Variants in GRIK2 observed in about 807,000 individuals in gnomAD.
GRIK2 encodes glutamate receptor ionotropic, kainate 2.
Under a neutral mutation model 100.3 loss-of-function variants are expected in GRIK2, and 32 were observed. The ratio of observed to expected loss-of-function variants is 0.32; its 90% CI spans 0.24 to 0.43. The LOEUF is 0.43. Among genes scored for constraint, GRIK2 ranks in the 20% least tolerant of loss-of-function variants. The probability of loss-of-function intolerance (pLI) is 1.00; values close to 1 mark genes in which losing one functional copy is unlikely to be tolerated. For synonymous variants in GRIK2, 417 were observed against 389.4 expected, an observed-to-expected ratio of 1.07 and a Z score of -0.83; for missense variants, 843 against 1,114.9, an observed-to-expected ratio of 0.76 and a Z score of 3.47.
At chr6:101,637,776 TA>T (rs1289088884) in intron 4 of GRIK2, among the ~76,000 whole-genome samples, 1 of 152,052 alleles carries the variant, frequency 6.6e-6, no homozygotes, top group Non-Finnish European at 1.5e-5. Flanking sequence ...AAATTTCTGG[TA>T]TTCCTTCTCT....
rs772331961 is a variant in GRIK2, at chr6:101,676,595, C to T, written c.542-28C>T. 75 of 1,054,084 alleles carry T rather than the reference C, an allele frequency of 7.1e-5. No individual in the cohort carries two copies. The South Asian group carries it at 1.2e-3, about 17-fold the overall frequency. The allele number at this position is 1,054,084 out of a possible 1,614,324, so 65.3% of individuals were successfully genotyped here. ...TACTCTATTTTTTATCTCTAATATT[C>T]TTTTTTTTTTTTCCATTTTAATTAA... is the stretch of plus-strand genomic sequence containing the variant. On this transcript the variant is annotated intron_variant, in intron 4 of 16. Transcript: ENST00000369134.
intron 12 of GRIK2, among the ~76,000 whole-genome samples, chr6:101,918,353 G>A (rs1262519261): frequency 6.6e-6 from 1 of 151,516 alleles, no homozygotes; most frequent in Non-Finnish European, 1.5e-5. Context: ...AATCATTTTT[G>A]TACTCTTCAT....
rs371257059 is a variant in GRIK2, at chr6:102,027,895, AAAG to A, written c.2086-7441_2086-7439del. Among the ~76,000 whole-genome samples, 77 of 151,236 alleles carry A rather than the reference AAAG, an allele frequency of 5.1e-4. 1 individual carries two copies. In the East Asian group the frequency reaches 0.014, roughly 27 times the overall value. ...CAAATATGTTGCTCCCAGTAAAAGA[AAAG>A]AAGATCTATGCAAGTGGTTCAAGAG... On this transcript the variant is annotated intron_variant, in intron 14 of 16. Coordinates refer to ENST00000369134, the MANE Select transcript of GRIK2 (RefSeq NM_021956.5).
intron 4 of GRIK2, among the ~76,000 whole-genome samples, chr6:101,631,079 C>T (rs544147903): frequency 7.2e-4 from 109 of 152,062 alleles, no homozygotes; most frequent in Admixed American, 4.1e-3. Flanking sequence ...TTATTTTTTA[C>T]GATAATTAGC....
intron 11 of GRIK2, among the ~76,000 whole-genome samples, chr6:101,877,006 C>T (rs755889980): frequency 3.3e-5 from 5 of 151,784 alleles, no homozygotes; most frequent in Non-Finnish European, 5.9e-5. Flanking sequence ...AATATGCATA[C>T]AAATAATAAT....
chr6:101,881,469 A>G (rs1786237614), intron 11 of GRIK2, among the ~76,000 whole-genome samples: 1 of 151,914 alleles, frequency 6.6e-6, no homozygotes, highest in Non-Finnish European at 1.5e-5. Flanking sequence ...AGTAATATCT[A>G]TTATAATAAT....
intron 2 of GRIK2, among the ~76,000 whole-genome samples, chr6:101,508,041 G>A (rs2852539): frequency 0.61 from 92,715 of 151,812 alleles, 29,490 homozygotes; most frequent in African/African-American, 0.79. Flanking sequence ...TAGACAATTA[G>A]ATGGTTGTTA....
rs1778929921 is a variant in GRIK2 at position 101,779,231 on chromosome 6, A to T, written c.952-20417A>T. Among the ~76,000 whole-genome samples, 5 of 152,116 alleles carry T rather than the reference A, an allele frequency of 3.3e-5. No individual in the cohort carries two copies. The South Asian group carries it at 1.0e-3, about 32-fold the overall frequency. On this transcript the variant is annotated intron_variant, in intron 7 of 16. Coordinates refer to ENST00000369134, the MANE Select transcript of GRIK2 (RefSeq NM_021956.5). ...TTGATGGATGGAATAGTACTGAGTG[A>T]CTAAGCCTATTTCTGTGGCAATGGC...
intron 7 of GRIK2, among the ~76,000 whole-genome samples, chr6:101,761,147 T>A (rs1777634818): frequency 6.6e-6 from 1 of 152,102 alleles, no homozygotes; most frequent in South Asian, 2.1e-4. Context: ...GACTGCTGGA[T>A]CACACATTAG....
intron 11 of GRIK2, among the ~76,000 whole-genome samples, chr6:101,881,642 A>G (rs1786252045): frequency 6.6e-6 from 1 of 151,766 alleles, no homozygotes; most frequent in Non-Finnish European, 1.5e-5. Flanking sequence ...TTAAATATAA[A>G]TTCCAGCTAG....
chr6:101,843,607 G>C (rs1024823107), intron 10 of GRIK2, among the ~76,000 whole-genome samples: 1 of 152,136 alleles, frequency 6.6e-6, no homozygotes. Flanking sequence ...AGAGTCCTTT[G>C]AAACGTTGGG....
At chr6:101,988,126 TGTGTGTG>T (rs1794136258) in intron 14 of GRIK2, among the ~76,000 whole-genome samples, 1 of 17,220 alleles carries the variant, frequency 5.8e-5, no homozygotes, top group Non-Finnish European at 1.3e-4. Context: ...TGTGTGTGTG[TGTGTGTG>T]CGCGCGCGCG....
chr6:101,645,760 C>T (rs879282330), intron 4 of GRIK2, among the ~76,000 whole-genome samples: 2 of 151,774 alleles, frequency 1.3e-5, no homozygotes, highest in Non-Finnish European at 1.5e-5. Context: ...AAAGCTTGAA[C>T]TTTATTGCTC....
intron 2 of GRIK2, among the ~76,000 whole-genome samples, chr6:101,580,363 T>C (rs1334107903): frequency 6.6e-6 from 1 of 152,260 alleles, no homozygotes; most frequent in East Asian, 1.9e-4. Context: ...CATTTTTAAA[T>C]TGTCTCTTTC....
At chr6:101,524,908 T>C (rs1394998057) in intron 2 of GRIK2, among the ~76,000 whole-genome samples, 1 of 151,990 alleles carries the variant, frequency 6.6e-6, no homozygotes, top group Non-Finnish European at 1.5e-5. Context: ...ATTTTTTGTA[T>C]TTTTAGTAGA....
intron 4 of GRIK2, among the ~76,000 whole-genome samples, chr6:101,671,649 A>G (rs1770442668): frequency 6.6e-6 from 1 of 152,104 alleles, no homozygotes. Context: ...GTGGATCGTG[A>G]GGTCAGGAGT....
intron 14 of GRIK2, among the ~76,000 whole-genome samples, chr6:102,006,388 A>ATAT (rs1204413772): frequency 2.1e-4 from 24 of 111,920 alleles, no homozygotes; most frequent in Non-Finnish European, 4.0e-4. Context: ...ATATATATAT[A>ATAT]TATTTTTTTT....
At chr6:101,873,251 C>A (rs576021002) in intron 11 of GRIK2, among the ~76,000 whole-genome samples, 1 of 121,640 alleles carries the variant, frequency 8.2e-6, no homozygotes, top group African/African-American at 3.1e-5. Flanking sequence ...CCCCCTCCCC[C>A]CACCCCACAA....
At chr6:101,585,168 A>T (rs1778296178) in intron 2 of GRIK2, among the ~76,000 whole-genome samples, 1 of 152,084 alleles carries the variant, frequency 6.6e-6, no homozygotes, top group Admixed American at 6.6e-5. Flanking sequence ...AATAATCAAC[A>T]TTAATAAATT....
Sources: allele counts gnomAD v4.1 joint callset (sites outside exome capture counted in the v4.1 genomes callset), GRCh38; gene constraint gnomAD v4.1.1; transcripts MANE v1.5; gene names NCBI Gene and HGNC (gene_info 2026-07-23, HGNC 2026-07-21).